The following HIBCH variants were observed in gnomAD, a reference collection of about 807,000 sequenced individuals.
HIBCH encodes 3-hydroxyisobutyryl-CoA hydrolase, mitochondrial.
A neutral mutation model predicts 58.2 loss-of-function variants in HIBCH; 50 were observed. The observed-to-expected ratio is 0.86, with a 90% CI of 0.68 to 1.09. HIBCH has a LOEUF of 1.09. HIBCH is among the 50% of genes least tolerant of loss of function. The pLI is 0.00. For missense variants in HIBCH, 450 were observed against 449.7 expected (o/e 1.00, Z -0.01); for synonymous variants, 151 against 146.9 (o/e 1.03, Z -0.20).
intron 1 of HIBCH, among the ~76,000 whole-genome samples, chr2:190,319,351 T>C (rs1166051798): frequency 6.6e-6 from 1 of 152,224 alleles, no homozygotes; most frequent in African/African-American, 2.4e-5. Context: ...CTGTGTGTGC[T>C]GGCTGCACAA....
chr2:190,287,778 G>C (rs1205367525), intron 5 of HIBCH, 140 bp from the exon 6 acceptor site: 2 of 652,032 alleles, frequency 3.1e-6, no homozygotes, highest in African/African-American at 3.7e-5. Context: ...CTAAATGTAT[G>C]GCTTATAAAA....
At position 190,319,799 on chromosome 2, in the gene HIBCH, G is replaced by C. The variant is rs749107767; in HGVS notation, c.-49C>G. On this transcript the variant is annotated 5_prime_UTR_variant, in exon 1 of 14. Coordinates refer to ENST00000359678, the MANE Select transcript of HIBCH (RefSeq NM_014362.4). ...CAGCAGAGCGAGAATCTCCCGGACC[G>C]TTCCAGCGCCTCGCGTGAGCCCCGC... 6.3e-7 allele frequency: 1 copy of C among 1,588,876 alleles called. No individual in the cohort carries two copies. The highest frequency in any genetic ancestry group is 8.6e-7 in the Non-Finnish European group (1 of 1,166,798).
intron 4 of HIBCH, among the ~76,000 whole-genome samples, chr2:190,294,271 A>T (rs1227269232): frequency 6.6e-6 from 1 of 151,870 alleles, no homozygotes; most frequent in Non-Finnish European, 1.5e-5. Context: ...CCCTAACTGG[A>T]CATTTTGTTT....
At chr2:190,229,470 T>A (rs993369529) in intron 11 of HIBCH, among the ~76,000 whole-genome samples, 1 of 152,192 alleles carries the variant, frequency 6.6e-6, no homozygotes, top group Non-Finnish European at 1.5e-5. Flanking sequence ...AACTTTCTAA[T>A]CCTTCAATTC....
chr2:190,191,928 CTGTGT>C, intron 1 of HIBCH, among the ~76,000 whole-genome samples: 1 of 151,030 alleles, frequency 6.6e-6, no homozygotes. Context: ...AATCTTTTAA[CTGTGT>C]TTTTTTTTCC....
intron 4 of HIBCH, among the ~76,000 whole-genome samples, chr2:190,294,010 T>C (rs565734786): frequency 1.7e-4 from 16 of 94,644 alleles, no homozygotes; most frequent in South Asian, 7.9e-4. Context: ...TTTTGTAATA[T>C]ATATTTTGTG....
intron 11 of HIBCH, among the ~76,000 whole-genome samples, chr2:190,234,323 T>C (rs908713390): frequency 5.9e-5 from 9 of 152,228 alleles, no homozygotes; most frequent in Admixed American, 2.6e-4. Context: ...ATATAACCCA[T>C]AGAAATGTGT....
chr2:190,200,026 A>G, downstream of HIBCH: 1 of 1,614,076 alleles, frequency 6.2e-7, no homozygotes, highest in Non-Finnish European at 8.5e-7. Context: ...AGGGACCAAT[A>G]CTGTGATCTT....
At chr2:190,298,246 C>G (rs1303790979) in intron 2 of HIBCH, among the ~76,000 whole-genome samples, 1 of 152,116 alleles carries the variant, frequency 6.6e-6, no homozygotes, top group African/African-American at 2.4e-5. Context: ...AGTAGAATGA[C>G]TTACAATCCT....
intron 2 of HIBCH, among the ~76,000 whole-genome samples, chr2:190,302,229 G>A (rs1688282242): frequency 6.6e-6 from 1 of 152,220 alleles, no homozygotes; most frequent in Admixed American, 6.5e-5. Context: ...CACTTCTAGT[G>A]AGGGAAACAG....
chr2:190,294,488 T>C (rs1688052517), intron 4 of HIBCH, 58 bp downstream of exon 4: 1 of 1,084,460 alleles, frequency 9.2e-7, no homozygotes, highest in Non-Finnish European at 1.4e-6. Flanking sequence ...AATTTGACAA[T>C]ACTTGATCAG....
chr2:190,285,716 T>C (rs1687812410), intron 6 of HIBCH, among the ~76,000 whole-genome samples: 1 of 151,738 alleles, frequency 6.6e-6, no homozygotes, highest in African/African-American at 2.4e-5. Flanking sequence ...GTCCTACCTA[T>C]TGTCACGGCT....
chr2:190,307,325 T>C (rs931088816), intron 2 of HIBCH, among the ~76,000 whole-genome samples: 2 of 152,214 alleles, frequency 1.3e-5, no homozygotes, highest in Admixed American at 6.5e-5. Flanking sequence ...GTTTTCTCCA[T>C]ATCCAGGTCA....
intron 7 of HIBCH, among the ~76,000 whole-genome samples, chr2:190,259,810 G>C (rs1224355927): frequency 6.6e-6 from 1 of 152,136 alleles, no homozygotes; most frequent in Admixed American, 6.5e-5. Context: ...TTTCACCTCT[G>C]CTTTTCCTGT....
At chr2:190,230,348 A>G (rs1447557272) in intron 11 of HIBCH, among the ~76,000 whole-genome samples, 1 of 152,256 alleles carries the variant, frequency 6.6e-6, no homozygotes, top group Non-Finnish European at 1.5e-5. Flanking sequence ...AGACATCAAA[A>G]GATATTACGA....
At chr2:190,314,328 T>TATACATATATAC (rs1491383953) in intron 1 of HIBCH, among the ~76,000 whole-genome samples, 50 of 3,876 alleles carry the variant, frequency 0.013, 2 homozygotes, top group East Asian at 0.094. Context: ...TATGTATATA[T>TATACATATATAC]GTATATATAC....
rs1176466254 is a variant in HIBCH, at chr2:190,197,963, T to G, written c.*17+7137A>C. 6.6e-6 allele frequency among the ~76,000 whole-genome samples: 1 copy of G among 152,142 alleles called. No individual in the cohort carries two copies. The highest frequency in any genetic ancestry group is 1.5e-5 in the Non-Finnish European group (1 of 68,030). ...CATGTCCAATTCCCTTAACCATCCC[T>G]CACAGTAAAAACTAGACACTATGAA... On this transcript the variant is annotated intron_variant, in intron 1 of 1. Coordinates refer to the HIBCH transcript ENST00000399855. This position sits in a 1 kb window ranked among gnomAD's most constrained non-coding sequence, Gnocchi z 4.0.
chr2:190,275,583 A>T (rs1032825053), intron 6 of HIBCH, among the ~76,000 whole-genome samples: 6 of 152,232 alleles, frequency 3.9e-5, no homozygotes, highest in African/African-American at 1.4e-4. Flanking sequence ...AGCAAGAACA[A>T]ATATCAAATT....
chr2:190,275,487 C>T (rs943669822), intron 6 of HIBCH, among the ~76,000 whole-genome samples: 2 of 152,190 alleles, frequency 1.3e-5, no homozygotes, highest in South Asian at 2.1e-4. Context: ...CATACCAGAA[C>T]AGGATCTAGC....
Sources: gnomAD v4.1 joint callset for allele counts (sites outside exome capture counted in the v4.1 genomes callset) on GRCh38, gnomAD v4.1.1 for gene constraint, Gnocchi (gnomAD v3.1) non-coding constraint, MANE v1.5 for transcripts, NCBI Gene and HGNC (gene_info 2026-07-23, HGNC 2026-07-21) for gene names.